The following PTPRG variants were observed in gnomAD, a reference collection of about 807,000 sequenced individuals.
PTPRG encodes the protein receptor-type tyrosine-protein phosphatase gamma.
A neutral mutation model predicts 165.3 loss-of-function variants in PTPRG; 102 were observed. The ratio of observed to expected loss-of-function variants is 0.62; its 90% confidence interval spans 0.53 to 0.73. The LOEUF (loss-of-function observed/expected upper bound fraction) is 0.73, where lower values mean the gene tolerates loss of function less well. Ranked by LOEUF, PTPRG falls within the 30% of genes least tolerant of loss-of-function variation. PTPRG has a pLI of 0.00. For synonymous variants in PTPRG, 675 were observed against 669.5 expected (o/e 1.01, Z -0.13); for missense variants, 1,866 against 1,861.4 (o/e 1.00, Z -0.05).
At chr3:61,707,317 GATTT>G (rs1405250190) in intron 1 of PTPRG, among the ~76,000 whole-genome samples, 1 of 152,200 alleles carries the variant, frequency 6.6e-6, no homozygotes, top group African/African-American at 2.4e-5. Context: ...TGGAGAGAAA[GATTT>G]ATTATAACAA....
At position 61,781,915 on chromosome 3, in the gene PTPRG, G is replaced by T. The variant is rs2034558598; in HGVS notation, c.190+32933G>T. On this transcript the variant is annotated intron_variant, in intron 2 of 29. Coordinates refer to ENST00000474889, the MANE Select transcript of PTPRG (RefSeq NM_002841.4). Reference sequence around the variant, plus strand: ...GTTTTTTTTTTTTTTTTTTATGGTAGAGATGGGATACTACTATGTTTCCCA... The same window carrying T: ...GTTTTTTTTTTTTTTTTTTATGGTATAGATGGGATACTACTATGTTTCCCA... Among the ~76,000 whole-genome samples, 4 of 136,284 alleles carry T rather than the reference G, an allele frequency of 2.9e-5. No homozygotes were observed. The South Asian group carries it at 7.0e-4, about 24-fold the overall frequency. The allele number at this position is 136,284 out of a possible 152,430, so 89.4% of individuals were successfully genotyped here.
intron 4 of PTPRG, among the ~76,000 whole-genome samples, chr3:62,074,352 C>CTTTCTTTCTTTTTTTTTTTT (rs1701310935): frequency 9.2e-6 from 1 of 109,114 alleles, no homozygotes; most frequent in African/African-American, 3.8e-5. Flanking sequence ...TCTTTTCTTT[C>CTTTCTTTCTTTTTTTTTTTT]TTTTTTTTTT....
At chr3:62,016,331 G>C (rs112307331) in intron 4 of PTPRG, among the ~76,000 whole-genome samples, 3 of 151,872 alleles carry the variant, frequency 2.0e-5, no homozygotes, top group Admixed American at 1.3e-4. Context: ...TATGCCCAGC[G>C]AATTTTTTGT....
intron 2 of PTPRG, among the ~76,000 whole-genome samples, chr3:61,966,807 G>A (rs1280797677): frequency 1.3e-5 from 2 of 152,138 alleles, no homozygotes; most frequent in African/African-American, 4.8e-5. Flanking sequence ...GATTTGTCTT[G>A]AATCAACACT....
At chr3:61,660,149 T>G (rs895579351) in intron 1 of PTPRG, among the ~76,000 whole-genome samples, 7 of 152,104 alleles carry the variant, frequency 4.6e-5, no homozygotes, top group Non-Finnish European at 8.8e-5. Flanking sequence ...CGCTTGAACC[T>G]GGGAGGTAGA....
At chr3:62,025,270 G>C (rs568316753) in intron 4 of PTPRG, among the ~76,000 whole-genome samples, 11 of 152,256 alleles carry the variant, frequency 7.2e-5, no homozygotes, top group Non-Finnish European at 1.2e-4. Context: ...ACATATTTTT[G>C]ATGCAGATGT....
At chr3:62,192,609 C>T (rs1399422533) in intron 9 of PTPRG, among the ~76,000 whole-genome samples, 2 of 151,794 alleles carry the variant, frequency 1.3e-5, no homozygotes, top group African/African-American at 4.8e-5. Context: ...GACAGGGTTT[C>T]ACCGTGTTAG....
intron 2 of PTPRG, among the ~76,000 whole-genome samples, chr3:61,756,847 A>G (rs907024819): frequency 1.1e-4 from 16 of 152,172 alleles, no homozygotes. Flanking sequence ...GGTAAATGGA[A>G]TACTGAGAGT....
chr3:61,864,575 G>T (rs1168555126), intron 2 of PTPRG, among the ~76,000 whole-genome samples: 1 of 152,134 alleles, frequency 6.6e-6, no homozygotes, highest in Non-Finnish European at 1.5e-5. Context: ...TTTAATAAAC[G>T]ATCAAGTTCA....
intron 2 of PTPRG, among the ~76,000 whole-genome samples, chr3:61,777,050 A>G (rs2034404878): frequency 6.6e-6 from 1 of 152,184 alleles, no homozygotes; most frequent in African/African-American, 2.4e-5. Context: ...TCAGTACTGC[A>G]TATGAAGTTC....
chr3:61,690,100 C>G lies in PTPRG; in HGVS notation c.86-58778C>G, dbSNP rs140309914. Among the ~76,000 whole-genome samples, 608 of 152,298 alleles carry G rather than the reference C, an allele frequency of 4.0e-3. 9 individuals carry two copies. The highest frequency in any genetic ancestry group is 0.014 in the African/African-American group (568 of 41,566). On this transcript the variant is annotated intron_variant, in intron 1 of 29. Transcript: ENST00000474889. ...TCTTTGGACACTGTCTCAACCATCC[C>G]CTGGGTTTGGTGATGCCAGACTTCC...
chr3:62,277,595 G>A lies in PTPRG; in HGVS notation c.3681G>A (p.Leu1227=), dbSNP rs760430428. The change falls in exon 26 of 30, where the codon CTG becomes CTA. Residue 1227 remains leucine, a synonymous_variant. Transcript: ENST00000474889. ...SNEFIITQHP[L]PHTTKDFWRM... ...AATTTATTATAACTCAGCATCCTCT[G>A]CCACATACTACGAAAGATTTCTGGC... The A allele has an allele frequency of 1.2e-6, 2 of 1,612,314 alleles. No individual in the cohort carries two copies. Among genetic ancestry groups the A allele is most frequent in the African/African-American group, 2.7e-5 (2 of 74,832 alleles).
At chr3:61,942,715 C>G (rs543035549) in intron 2 of PTPRG, among the ~76,000 whole-genome samples, 36 of 152,344 alleles carry the variant, frequency 2.4e-4, no homozygotes, top group African/African-American at 7.7e-4. Context: ...CTGGACAATT[C>G]TGTTACATTT....
Position 61,787,189 on chromosome 3 carries a change from C to T in PTPRG, c.190+38207C>T, listed in dbSNP as rs563522741. Reference sequence around the variant, plus strand: ...GTGTCTGTTCTTCTCTCCGTCCTAACCCCAAATAAAGTGATTGATAAAGAA... The same window carrying T: ...GTGTCTGTTCTTCTCTCCGTCCTAATCCCAAATAAAGTGATTGATAAAGAA... On this transcript the variant is annotated intron_variant, in intron 2 of 29. Coordinates refer to ENST00000474889, the MANE Select transcript of PTPRG (RefSeq NM_002841.4). Among the ~76,000 whole-genome samples, 7 of 152,224 alleles carry T rather than the reference C, an allele frequency of 4.6e-5. No homozygotes were observed. The South Asian group carries it at 1.5e-3, about 32-fold the overall frequency.
chr3:61,825,495 A>G (rs1304207442), intron 2 of PTPRG, among the ~76,000 whole-genome samples: 3 of 152,222 alleles, frequency 2.0e-5, no homozygotes, highest in Non-Finnish European at 2.9e-5. Context: ...TACAATGCGT[A>G]TCATAGATTT....
chr3:61,672,795 G>A (rs1395657582), intron 1 of PTPRG, among the ~76,000 whole-genome samples: 3 of 142,698 alleles, frequency 2.1e-5, no homozygotes, highest in Non-Finnish European at 4.6e-5. Flanking sequence ...GAGAGAGGGA[G>A]AGAGGGGGAG....
At chr3:61,622,208 G>T (rs777408694) in intron 1 of PTPRG, among the ~76,000 whole-genome samples, 6 of 152,114 alleles carry the variant, frequency 3.9e-5, no homozygotes, top group Non-Finnish European at 8.8e-5. Flanking sequence ...TCGCTCAACA[G>T]GTAATCAAAT....
intron 8 of PTPRG, among the ~76,000 whole-genome samples, chr3:62,173,168 T>C (rs1259127834): frequency 1.3e-5 from 2 of 152,246 alleles, no homozygotes; most frequent in African/African-American, 2.4e-5. Context: ...ATTAATACAA[T>C]GTAAATGCCA....
chr3:61,785,262 G>A (rs941409788), intron 2 of PTPRG, among the ~76,000 whole-genome samples: 12 of 152,160 alleles, frequency 7.9e-5, no homozygotes, highest in Non-Finnish European at 1.5e-4. Context: ...TTAAGGTCAT[G>A]TCCACACTAG....
Sources: allele counts gnomAD v4.1 joint callset (sites outside exome capture counted in the v4.1 genomes callset), GRCh38; gene constraint gnomAD v4.1.1; transcripts MANE v1.5; gene names NCBI Gene and HGNC (gene_info 2026-07-23, HGNC 2026-07-21).